Variants in PDE4B observed in about 807,000 individuals in gnomAD.
PDE4B encodes phosphodiesterase 4B, also known as 3',5'-cyclic-AMP phosphodiesterase 4B.
A neutral mutation model predicts 82.2 loss-of-function variants in PDE4B; 20 were observed. The observed-to-expected ratio is 0.24, with a 90% CI of 0.17 to 0.35. PDE4B has a LOEUF of 0.35. Among genes scored for constraint, PDE4B ranks in the 10% least tolerant of loss-of-function variants. The pLI, the probability that PDE4B is intolerant of heterozygous loss-of-function variation, is 1.00. For synonymous variants in PDE4B, 320 were observed against 318.9 expected (o/e 1.00, Z -0.04); for missense variants, 655 against 907.2 (o/e 0.72, Z 3.57).
chr1:65,887,289 C>T, intron 1 of PDE4B, among the ~76,000 whole-genome samples: 2 of 91,648 alleles, frequency 2.2e-5, no homozygotes, highest in Admixed American at 1.3e-4. Flanking sequence ...CTTTTTCTTT[C>T]TCTCTCTCTC....
intron 3 of PDE4B, among the ~76,000 whole-genome samples, chr1:66,160,778 A>G (rs1646596273): frequency 6.6e-6 from 1 of 152,248 alleles, no homozygotes; most frequent in Admixed American, 6.5e-5. Flanking sequence ...GTCTAAAATC[A>G]AATAGATTCT....
chr1:66,061,971 G>T (rs1655604682), intron 3 of PDE4B, among the ~76,000 whole-genome samples: 1 of 152,024 alleles, frequency 6.6e-6, no homozygotes, highest in Non-Finnish European at 1.5e-5. Flanking sequence ...GGGAGAGAGG[G>T]ACATAATTGT....
chr1:66,154,663 G>A (rs905311084), intron 3 of PDE4B, among the ~76,000 whole-genome samples: 1 of 152,160 alleles, frequency 6.6e-6, no homozygotes, highest in Non-Finnish European at 1.5e-5. Flanking sequence ...GTGGAAAGGT[G>A]GCTACACATG....
chr1:65,998,732 C>T (rs767103421), intron 3 of PDE4B, among the ~76,000 whole-genome samples: 5 of 152,014 alleles, frequency 3.3e-5, no homozygotes, highest in Non-Finnish European at 7.4e-5. Flanking sequence ...CTAGCTGGTA[C>T]AATACCCCCA....
intron 3 of PDE4B, among the ~76,000 whole-genome samples, chr1:66,154,407 G>A (rs1646461525): frequency 2.0e-5 from 3 of 152,046 alleles, no homozygotes; most frequent in South Asian, 4.2e-4. Flanking sequence ...GCATATGTAG[G>A]GGACAGGCTT....
Position 65,828,807 on chromosome 1 carries a change from T to C in PDE4B, c.-71+35559T>C, listed in dbSNP as rs576776601. Among the ~76,000 whole-genome samples the C allele has an allele frequency of 6.0e-4, 91 of 152,236 alleles. No homozygotes were observed. In the Middle Eastern group the frequency reaches 0.01, roughly 17 times the overall value. On this transcript the variant is annotated intron_variant, in intron 1 of 16. Coordinates refer to ENST00000341517, the MANE Select transcript of PDE4B (RefSeq NM_002600.4). ...TCACTTAAAAAGTTTAAAAAAGTTA[T>C]AATTAATAAGTCAATTTAGGAAATA...
intron 3 of PDE4B, among the ~76,000 whole-genome samples, chr1:66,067,996 T>C (rs984443228): frequency 6.6e-6 from 1 of 150,396 alleles, no homozygotes; most frequent in African/African-American, 2.4e-5. Flanking sequence ...TAATGCTAAA[T>C]GACGAGTTAA....
intron 1 of PDE4B, among the ~76,000 whole-genome samples, chr1:65,899,892 A>AG (rs1646952408): frequency 6.6e-6 from 1 of 151,886 alleles, no homozygotes; most frequent in South Asian, 2.1e-4. Flanking sequence ...AAGGGTGGGA[A>AG]GGGGGTGAGG....
intron 3 of PDE4B, among the ~76,000 whole-genome samples, chr1:65,978,881 T>C (rs1334177617): frequency 6.6e-6 from 1 of 152,212 alleles, no homozygotes; most frequent in African/African-American, 2.4e-5. Flanking sequence ...CATCTGGGAT[T>C]TTAACAGATG....
intron 3 of PDE4B, among the ~76,000 whole-genome samples, chr1:66,200,422 T>G (rs1190897878): frequency 6.6e-6 from 1 of 152,222 alleles, no homozygotes; most frequent in Non-Finnish European, 1.5e-5. Context: ...ACTGAATCTA[T>G]AAATTACCTT....
intron 3 of PDE4B, among the ~76,000 whole-genome samples, chr1:66,160,088 A>T (rs1404728998): frequency 6.6e-6 from 1 of 152,208 alleles, no homozygotes; most frequent in Non-Finnish European, 1.5e-5. Context: ...GTCCTCACAC[A>T]GGATTTTTAC....
intron 3 of PDE4B, among the ~76,000 whole-genome samples, chr1:65,958,749 CGCGCGCGCGCGCGCGCACACACAT>C (rs1649390286): frequency 7.5e-6 from 1 of 132,740 alleles, no homozygotes; most frequent in African/African-American, 2.8e-5. Flanking sequence ...CACACACACA[CGCGCGCGCGCGCGCGCACACACAT>C]ACACACACGC....
chr1:66,011,132 A>G lies in PDE4B; in HGVS notation c.281+92297A>G, dbSNP rs184835357. On this transcript the variant is annotated intron_variant, in intron 3 of 16. Transcript: ENST00000341517. ...TTATTGCTGAACACTATTCCATTGCATGGATATACCAAAATGTGTTTATTC... is the reference window on the plus strand; with the variant it reads ...TTATTGCTGAACACTATTCCATTGCGTGGATATACCAAAATGTGTTTATTC... 3.2e-3 allele frequency among the ~76,000 whole-genome samples: 483 copies of G among 151,350 alleles called. 1 individual carries two copies. Among genetic ancestry groups the G allele is most frequent in the Non-Finnish European group, 4.8e-3 (326 of 67,804 alleles).
chr1:66,294,896 C>T (rs770546954), intron 7 of PDE4B, among the ~76,000 whole-genome samples: 37 of 152,074 alleles, frequency 2.4e-4, no homozygotes, highest in Non-Finnish European at 3.4e-4. Context: ...ATGACTCATG[C>T]CTGGCTCTGT....
chr1:66,109,816 A>G (rs1162738727), intron 3 of PDE4B, among the ~76,000 whole-genome samples: 1 of 151,922 alleles, frequency 6.6e-6, no homozygotes. Flanking sequence ...ATTGTGCTCA[A>G]TAGGTTATTT....
At position 65,802,937 on chromosome 1, in the gene PDE4B, G is replaced by A. The variant is rs185030078; in HGVS notation, c.-71+9689G>A. 5.9e-5 allele frequency among the ~76,000 whole-genome samples: 9 copies of A among 152,022 alleles called. No individual in the cohort carries two copies. The East Asian group carries it at 1.7e-3, about 29-fold the overall frequency. ...TGAGAAATCAGATAGTGACACTATT[G>A]TGTACTATTATGTATTATTTATTTA... On this transcript the variant is annotated intron_variant, in intron 1 of 16. Transcript: ENST00000341517.
At chr1:65,971,928 C>T (rs750878080) in intron 3 of PDE4B, among the ~76,000 whole-genome samples, 5 of 151,934 alleles carry the variant, frequency 3.3e-5, no homozygotes, top group Non-Finnish European at 7.4e-5. Context: ...TCTCTTTTTC[C>T]TTTGGACTTT....
intron 1 of PDE4B, among the ~76,000 whole-genome samples, chr1:65,807,521 A>AT (rs1645767283): frequency 2.0e-5 from 3 of 152,332 alleles, no homozygotes; most frequent in African/African-American, 4.8e-5. Flanking sequence ...TACACAATTT[A>AT]AAGGCTTTTT....
intron 7 of PDE4B, among the ~76,000 whole-genome samples, chr1:66,309,109 T>C (rs1436155289): frequency 1.3e-5 from 2 of 152,152 alleles, no homozygotes; most frequent in African/African-American, 4.8e-5. Flanking sequence ...ACCAAACTAT[T>C]CTTGGTTGTT....
Sources: allele counts gnomAD v4.1 joint callset (sites outside exome capture counted in the v4.1 genomes callset), GRCh38; gene constraint gnomAD v4.1.1; transcripts MANE v1.5; gene names NCBI Gene and HGNC (gene_info 2026-07-23, HGNC 2026-07-21).